Variants in MIOX observed in about 807,000 individuals in gnomAD.
MIOX encodes myo-inositol oxygenase.
MIOX carries 51 observed loss-of-function variants against 42.7 expected under a neutral mutation model. The ratio of observed to expected loss-of-function variants is 1.19; its 90% CI spans 0.95 to 1.51. MIOX has a LOEUF of 1.51. MIOX is among the 40% of genes most tolerant of loss of function. The pLI is 0.00. For synonymous variants in MIOX, 168 were observed against 154.4 expected, an observed-to-expected ratio of 1.09 and a Z score of -0.65; for missense variants, 395 against 381.3, an observed-to-expected ratio of 1.04 and a Z score of -0.30.
chr22:50,488,100 A>C (rs773400838), intron 4 of MIOX, 52 bp downstream of exon 4: 11 of 1,609,012 alleles, frequency 6.8e-6, no homozygotes, highest in Non-Finnish European at 9.3e-6. Flanking sequence ...AAGGGGCAGA[A>C]TGCAGCAGCC....
At position 50,489,225 on chromosome 22, in the gene MIOX, C is replaced by T; in HGVS notation, c.519-3C>T. ...CCCTCCTCACCCTGGTATCTCACTGCAGCACAGAGCTCGGGATGTATCAGC... is the reference window on the plus strand; with the variant it reads ...CCCTCCTCACCCTGGTATCTCACTGTAGCACAGAGCTCGGGATGTATCAGC... On this transcript the variant is annotated splice_region_variant and splice_polypyrimidine_tract_variant and intron_variant, in intron 6 of 9. Transcript: ENST00000216075. 6.2e-7 allele frequency: 1 copy of T among 1,609,770 alleles called. No individual in the cohort carries two copies. Among genetic ancestry groups the T allele is most frequent in the Non-Finnish European group, 8.5e-7 (1 of 1,179,634 alleles).
At position 50,490,060 on chromosome 22, in the gene MIOX, G is replaced by A; in HGVS notation, c.*204G>A. 5.0e-6 allele frequency: 3 copies of A among 595,894 alleles called. No homozygotes were observed. Among genetic ancestry groups the A allele is most frequent in the Non-Finnish European group, 9.0e-6 (3 of 333,870 alleles). 36.9% of individuals were successfully genotyped at this position (595,894 alleles called of 1,614,324 possible). ...GATGTTGTGCTTCTGAAGCCCCACT[G>A]GGTGTTACTGCAGCAGGGCGTGGCC... On this transcript the variant is annotated 3_prime_UTR_variant, in exon 10 of 10. Transcript: ENST00000216075.
rs778866662 is a variant in MIOX at position 50,489,774 on chromosome 22, C to T, written c.776C>T (p.Pro259Leu). The T allele has an allele frequency of 4.0e-5, 64 of 1,612,046 alleles. No individual in the cohort carries two copies. The East Asian group carries it at 9.6e-4, about 24-fold the overall frequency. The change falls in exon 10 of 10, where the codon CCG becomes CTG. Residue 259 changes from proline to leucine, a missense_variant. Transcript: ENST00000216075. ...AAGTTCGACCTCTACACCAAGTGCCCGGACCTGCCGGACGTGGACAAGCTG... is the reference window on the plus strand; with the variant it reads ...AAGTTCGACCTCTACACCAAGTGCCTGGACCTGCCGGACGTGGACAAGCTG... ...FNKFDLYTKC[P>L]DLPDVDKLRP...
intron 6 of MIOX, 25 bp downstream of exon 6, chr22:50,489,174 G>GC (rs761862065): frequency 1.9e-6 from 3 of 1,612,288 alleles, no homozygotes; most frequent in Non-Finnish European, 2.5e-6. Context: ...TGAGGGCTGG[G>GC]CCCCCTTCCC....
At position 50,489,788 on chromosome 22, in the gene MIOX, G is replaced by A. The variant is rs200391259; in HGVS notation, c.790G>A (p.Val264Met). Residue 264 changes from valine to methionine, a missense_variant, in exon 10 of 10, where the codon GTG becomes ATG. Transcript: ENST00000216075. ...CACCAAGTGCCCGGACCTGCCGGAC[G>A]TGGACAAGCTGCGGCCCTACTACCA... The part of the protein sequence containing the change: ...LYTKCPDLPD[V>M]DKLRPYYQGL... The A allele has an allele frequency of 9.1e-5, 147 of 1,612,264 alleles. No individual in the cohort carries two copies. Among genetic ancestry groups the A allele is most frequent in the Non-Finnish European group, 1.0e-4 (119 of 1,179,930 alleles).
intron 3 of MIOX, 35 bp from the exon 4 acceptor site, chr22:50,487,851 A>C (rs1603437496): frequency 6.2e-7 from 1 of 1,612,550 alleles, no homozygotes; most frequent in Non-Finnish European, 8.5e-7. Flanking sequence ...GGGCCTGCTG[A>C]CCCTGGGCCA....
Position 50,489,581 on chromosome 22 carries a change from G to T in MIOX, c.686G>T (p.Arg229Leu). Reference protein sequence around the residue: ...FHSFYPWHTGRDYQQLCSQQD... With the variant: ...FHSFYPWHTGLDYQQLCSQQD... ...TCCTTCTACCCCTGGCACACGGGCC[G>T]CGACTACCAGCAGCTGTGCAGCCAG... Residue 229 changes from arginine (R) to leucine (L), a missense_variant, in exon 9 of 10, where the codon CGC (arginine) becomes CTC (leucine). By Grantham distance (102) the Arg-to-Leu change is moderately radical. Transcript: ENST00000216075. The T allele has an allele frequency of 1.2e-6, 2 of 1,612,556 alleles. No homozygotes were observed. The highest frequency in any genetic ancestry group is 2.2e-5 in the South Asian group (2 of 91,078).
intron 4 of MIOX, 82 bp downstream of exon 4, chr22:50,488,130 G>C: frequency 6.3e-7 from 1 of 1,593,216 alleles, no homozygotes; most frequent in Non-Finnish European, 8.6e-7. Context: ...GGAGGGGACA[G>C]TAGTGGGCCC....
intron 1 of MIOX, among the ~76,000 whole-genome samples, chr22:50,487,179 G>A (rs964817454): frequency 2.1e-4 from 32 of 152,224 alleles, no homozygotes; most frequent in African/African-American, 7.7e-4. Context: ...CTTTGCAGAT[G>A]AGGACCTGGG....
intron 9 of MIOX, 33 bp from the exon 10 acceptor site, chr22:50,489,712 GTTC>G (rs954810505): frequency 1.2e-6 from 2 of 1,608,086 alleles, no homozygotes; most frequent in African/African-American, 2.7e-5. Context: ...GGGCCTGGGG[GTTC>G]TTCACGGGGC....
At position 50,489,381 on chromosome 22, in the gene MIOX, C is replaced by T. The variant is rs746416202; in HGVS notation, c.587-16C>T. ...GGGCAGAGGCAGTGCCTGCTGGTGACACCCTCTCCCCACAGAGTACATGTA... is the reference window on the plus strand; with the variant it reads ...GGGCAGAGGCAGTGCCTGCTGGTGATACCCTCTCCCCACAGAGTACATGTA... On this transcript the variant is annotated splice_polypyrimidine_tract_variant and intron_variant, in intron 7 of 9. Transcript: ENST00000216075. 39 of 1,566,746 alleles carry T rather than the reference C, an allele frequency of 2.5e-5. No homozygotes were observed. The Admixed American group carries it at 6.1e-4, about 24-fold the overall frequency.
In MIOX at chr22:50,489,588, C is replaced by A. The variant is rs368114747; in HGVS notation, c.693C>A (p.Tyr231Ter). The change falls in exon 9 of 10, where the codon TAC (tyrosine) becomes TAA (stop). Residue 231 changes from tyrosine (Y) to a stop codon, truncating the protein, a stop_gained. Transcript: ENST00000216075. LOFTEE classifies it high-confidence loss of function. Reference sequence around the variant, plus strand: ...ACCCCTGGCACACGGGCCGCGACTACCAGCAGCTGTGCAGCCAGCAGGACC... The same window carrying A: ...ACCCCTGGCACACGGGCCGCGACTAACAGCAGCTGTGCAGCCAGCAGGACC... The part of the protein sequence containing the change: ...SFYPWHTGRD[Y>*]QQLCSQQDLA... The A allele has an allele frequency of 1.2e-6, 2 of 1,612,608 alleles. No individual in the cohort carries two copies. Among genetic ancestry groups the A allele is most frequent in the Non-Finnish European group, 1.7e-6 (2 of 1,179,850 alleles).
chr22:50,489,201 C>T (rs1373995786), intron 6 of MIOX, 27 bp from the exon 7 acceptor site: 2 of 1,611,326 alleles, frequency 1.2e-6, no homozygotes, highest in Admixed American at 1.7e-5. Flanking sequence ...GCTGCTGAGC[C>T]CTCCTCACCC....
At chr22:50,487,828 A>G (rs2068291446) in intron 3 of MIOX, 58 bp from the exon 4 acceptor site, 1 of 1,611,162 alleles carries the variant, frequency 6.2e-7, no homozygotes, top group Non-Finnish European at 8.5e-7. Context: ...GGGGATGGAG[A>G]GGCCTGTGTG....
intron 1 of MIOX, 61 bp from the exon 2 acceptor site, chr22:50,487,324 T>C: frequency 1.4e-6 from 2 of 1,421,470 alleles, no homozygotes; most frequent in Non-Finnish European, 1.9e-6. Flanking sequence ...CCTGGGAATG[T>C]CTGTGCTTCC....
rs769672773 is a variant in MIOX, at chr22:50,487,941, A to T, written c.233A>T (p.Asp78Val). Residue 78 changes from aspartate to valine, a missense_variant, in exon 4 of 10, where the codon GAC becomes GTC. Transcript: ENST00000216075. Reference protein sequence around the residue: ...YKKMTVMEAVDLLDGLVDESD... With the variant: ...YKKMTVMEAVVLLDGLVDESD... ...AAAATGACAGTCATGGAGGCCGTGG[A>T]CCTGCTGGATGGGCTGGTGGATGAG... 6.2e-7 allele frequency: 1 copy of T among 1,613,994 alleles called. No homozygotes were observed.
chr22:50,488,473 G>A, intron 5 of MIOX, 131 bp downstream of exon 5: 1 of 683,434 alleles, frequency 1.5e-6, no homozygotes, highest in Non-Finnish European at 2.4e-6. Flanking sequence ...CCCGACGGCT[G>A]CCTGTCCCTC....
At position 50,490,566 on chromosome 22, in the gene MIOX, C is replaced by G. The variant is rs1394328294; in HGVS notation, c.*710C>G. The G allele has an allele frequency of 6.6e-6, 1 of 152,234 alleles. No homozygotes were observed. The highest frequency in any genetic ancestry group is 1.5e-5 in the Non-Finnish European group (1 of 68,106). 9.4% of individuals were successfully genotyped at this position (152,234 alleles called of 1,614,324 possible). On this transcript the variant is annotated 3_prime_UTR_variant, in exon 10 of 10. Transcript: ENST00000216075. ...CCGGGAGACAGGGGTTGCCGTGAGT[C>G]AAGATTGTGCCACTGCACTCCAACC...
rs1241105431 is a variant in MIOX at position 50,487,875 on chromosome 22, T to C, written c.178-11T>C. 2 of 1,613,592 alleles carry C rather than the reference T, an allele frequency of 1.2e-6. No homozygotes were observed. Among genetic ancestry groups the C allele is most frequent in the Non-Finnish European group, 1.7e-6 (2 of 1,179,766 alleles). ...GACCCTGGGCCACACTGCCTTCTCCTTCCCCGCCAGCATGCCCAGTTTGGG... is the reference window on the plus strand; with the variant it reads ...GACCCTGGGCCACACTGCCTTCTCCCTCCCCGCCAGCATGCCCAGTTTGGG... On this transcript the variant is annotated splice_polypyrimidine_tract_variant and intron_variant, in intron 3 of 9. Coordinates refer to ENST00000216075, the MANE Select transcript of MIOX (RefSeq NM_017584.6).
Sources: allele counts gnomAD v4.1 joint callset (sites outside exome capture counted in the v4.1 genomes callset), GRCh38; gene constraint gnomAD v4.1.1; transcripts MANE v1.5; gene names NCBI Gene and HGNC (gene_info 2026-07-23, HGNC 2026-07-21).